Variants in KIAA0513 observed in about 807,000 individuals in gnomAD.
KIAA0513 encodes the protein uncharacterized protein KIAA0513.
Under a neutral mutation model 56.5 loss-of-function variants are expected in KIAA0513, and 39 were observed. The ratio of observed to expected loss-of-function variants is 0.69; its 90% CI spans 0.53 to 0.90. The LOEUF (loss-of-function observed/expected upper bound fraction) is 0.90. Among genes scored for constraint, KIAA0513 ranks in the 40% least tolerant of loss-of-function variants. KIAA0513 has a pLI of 0.00. For missense variants in KIAA0513, 591 were observed against 535.2 expected (o/e 1.10, Z -1.03); for synonymous variants, 268 against 215.6 (o/e 1.24, Z -2.13).
chr16:85,045,200 T>C (rs542025493), intron 1 of KIAA0513, among the ~76,000 whole-genome samples: 1 of 152,284 alleles, frequency 6.6e-6, no homozygotes, highest in African/African-American at 2.4e-5. Flanking sequence ...TCAGATGCGT[T>C]TCTGGACATC....
At chr16:85,055,243 TG>T (rs2073312354) in intron 1 of KIAA0513, among the ~76,000 whole-genome samples, 1 of 152,096 alleles carries the variant, frequency 6.6e-6, no homozygotes, top group South Asian at 2.1e-4. Flanking sequence ...GGTTTTTTTT[TG>T]TTTGTTTGAT....
At chr16:85,035,339 A>G (rs1244063409) in intron 1 of KIAA0513, among the ~76,000 whole-genome samples, 4 of 152,222 alleles carry the variant, frequency 2.6e-5, no homozygotes, top group African/African-American at 9.6e-5. Context: ...AAACGCTGGT[A>G]GCACAGGCAG....
intron 4 of KIAA0513, 31 bp downstream of exon 4, chr16:85,073,029 C>A: frequency 6.3e-7 from 1 of 1,581,966 alleles, no homozygotes; most frequent in Non-Finnish European, 8.7e-7. Flanking sequence ...AAGCCTTTGT[C>A]CTGGCAAGCT....
At chr16:85,069,435 T>A (rs2073539832) in intron 2 of KIAA0513, among the ~76,000 whole-genome samples, 1 of 151,886 alleles carries the variant, frequency 6.6e-6, no homozygotes, top group Admixed American at 6.6e-5. Flanking sequence ...CGTTCTTTTG[T>A]GGTTCTTGAG....
chr16:85,071,916 A>G lies in KIAA0513; in HGVS notation c.429+34A>G, dbSNP rs546900617. On this transcript the variant is annotated intron_variant, in intron 3 of 12. Transcript: ENST00000683363. ...GAGGTGATGGGAAGGATGGGCGTTT[A>G]CTCTCAAGGAAGAATCTAGTGAAGC... 3 of 1,354,536 alleles carry G rather than the reference A, an allele frequency of 2.2e-6. No individual in the cohort carries two copies. The East Asian group carries it at 6.9e-5, about 31-fold the overall frequency. The allele number at this position is 1,354,536 out of a possible 1,614,324, so 83.9% of individuals were successfully genotyped here. A position where few individuals can be genotyped will look rare whatever the true frequency, so the allele number is the denominator to read the frequency against.
chr16:85,074,361 CACAT>C (rs2073625947), intron 4 of KIAA0513, among the ~76,000 whole-genome samples: 2 of 142,968 alleles, frequency 1.4e-5, no homozygotes, highest in South Asian at 4.5e-4. Context: ...CACACACACA[CACAT>C]ATATATTTAG....
At chr16:85,047,099 A>G (rs1033674997) in intron 1 of KIAA0513, among the ~76,000 whole-genome samples, 3 of 152,146 alleles carry the variant, frequency 2.0e-5, no homozygotes, top group Non-Finnish European at 4.4e-5. Flanking sequence ...CAGGCACTCC[A>G]CCAGCTTGGG....
chr16:85,052,833 G>T (rs1365509372), intron 1 of KIAA0513, among the ~76,000 whole-genome samples: 3 of 152,180 alleles, frequency 2.0e-5, no homozygotes, highest in Admixed American at 2.0e-4. Context: ...GCGCCCTCAA[G>T]CAGTGAGCTG....
Position 85,072,856 on chromosome 16 carries a change from C to G in KIAA0513, c.430-69C>G, listed in dbSNP as rs919594613. On this transcript the variant is annotated intron_variant, in intron 3 of 12. Transcript: ENST00000683363. ...TTTGGAAACACTGAGAGTGCAAAGC[C>G]TGCAGCTTCACTGAGTGCTGCGTGT... 12 of 1,450,604 alleles carry G rather than the reference C, an allele frequency of 8.3e-6. No homozygotes were observed. In the East Asian group the frequency reaches 2.7e-4, roughly 33 times the overall value. 89.9% of individuals were successfully genotyped at this position (1,450,604 alleles called of 1,614,324 possible).
chr16:85,033,621 C>T (rs1033401103), intron 1 of KIAA0513, among the ~76,000 whole-genome samples: 1 of 151,916 alleles, frequency 6.6e-6, no homozygotes, highest in African/African-American at 2.4e-5. Context: ...AAGGGTGAGC[C>T]CTCAGGGAGT....
At chr16:85,061,057 G>C (rs1446466142) in intron 1 of KIAA0513, among the ~76,000 whole-genome samples, 1 of 151,740 alleles carries the variant, frequency 6.6e-6, no homozygotes, top group African/African-American at 2.4e-5. Flanking sequence ...GGAGGCCGAG[G>C]CAGGAGAATT....
chr16:85,075,722 A>G (rs16975200), intron 4 of KIAA0513, 122 bp from the exon 5 acceptor site: 271,776 of 781,314 alleles, frequency 0.35, 48,229 homozygotes, highest in Middle Eastern at 0.44. Context: ...TGTTTTGTGC[A>G]TCTCCAGTGG....
intron 5 of KIAA0513, 110 bp from the exon 6 acceptor site, chr16:85,077,315 C>G: frequency 2.0e-6 from 2 of 997,144 alleles, no homozygotes; most frequent in Non-Finnish European, 2.9e-6. Flanking sequence ...GAGGGAGGCT[C>G]CCGTATCCCC....
chr16:85,055,525 CCTGATCTCTGAGT>C (rs1180438076), intron 1 of KIAA0513, among the ~76,000 whole-genome samples: 1 of 152,178 alleles, frequency 6.6e-6, no homozygotes, highest in Non-Finnish European at 1.5e-5. Context: ...GGACAATCTC[CCTGATCTCTGAGT>C]CTGTAACAAA....
intron 1 of KIAA0513, among the ~76,000 whole-genome samples, chr16:85,035,074 C>T (rs1449366417): frequency 6.6e-6 from 1 of 152,158 alleles, no homozygotes; most frequent in South Asian, 2.1e-4. Flanking sequence ...TGCTTCCTCT[C>T]AGCCCTCTGA....
At chr16:85,029,288 ACTAACCTCTCTGTGTTACATT>A (rs2072930774) in intron 1 of KIAA0513, among the ~76,000 whole-genome samples, 1 of 152,186 alleles carries the variant, frequency 6.6e-6, no homozygotes, top group Admixed American at 6.5e-5. Context: ...TCAGATCATC[ACTAACCTCTCTGTGTTACATT>A]CTGACGTTTC....
chr16:85,064,377 G>A (rs1357900240), intron 1 of KIAA0513, among the ~76,000 whole-genome samples: 1 of 152,112 alleles, frequency 6.6e-6, no homozygotes, highest in Non-Finnish European at 1.5e-5. Flanking sequence ...CTGTTGCAAT[G>A]AGCATTTTTC....
chr16:85,035,370 G>A (rs888655001), intron 1 of KIAA0513, among the ~76,000 whole-genome samples: 1 of 152,210 alleles, frequency 6.6e-6, no homozygotes, highest in Non-Finnish European at 1.5e-5. Flanking sequence ...AGGAAGCCCT[G>A]GTCTCCACCT....
At chr16:85,044,321 C>T (rs2073142063) in intron 1 of KIAA0513, among the ~76,000 whole-genome samples, 2 of 151,014 alleles carry the variant, frequency 1.3e-5, no homozygotes, top group South Asian at 4.1e-4. Flanking sequence ...CGAGTGTCCC[C>T]TGTGTCATCT....
Sources: allele counts gnomAD v4.1 joint callset (sites outside exome capture counted in the v4.1 genomes callset), GRCh38; gene constraint gnomAD v4.1.1; transcripts MANE v1.5; gene names NCBI Gene and HGNC (gene_info 2026-07-23, HGNC 2026-07-21).